Variants in PPP2R2B observed in about 807,000 individuals in gnomAD.
PPP2R2B encodes serine/threonine-protein phosphatase 2A 55 kDa regulatory subunit B beta isoform.
In PPP2R2B, 5 loss-of-function variants were observed where a neutral mutation model predicts 46.0. That is an observed-to-expected ratio of 0.11 (90% CI 0.06 to 0.23). The LOEUF is 0.23. PPP2R2B is among the 10% of genes least tolerant of loss of function. PPP2R2B has a pLI of 1.00. For synonymous variants in PPP2R2B, 215 were observed against 206.7 expected (o/e 1.04, Z -0.34); for missense variants, 367 against 575.0 (o/e 0.64, Z 3.70).
At chr5:146,828,212 T>C (rs1226625184) in intron 2 of PPP2R2B, among the ~76,000 whole-genome samples, 1 of 152,118 alleles carries the variant, frequency 6.6e-6, no homozygotes, top group Non-Finnish European at 1.5e-5. Flanking sequence ...CTTTTCTTTG[T>C]TGTAATGGAA....
intron 4 of PPP2R2B, among the ~76,000 whole-genome samples, chr5:146,696,628 G>C (rs1216312968): frequency 6.6e-6 from 1 of 152,156 alleles, no homozygotes; most frequent in Non-Finnish European, 1.5e-5. Flanking sequence ...ATGTGGTTTG[G>C]CTTCCAAGAA....
chr5:146,878,236 A>T lies in PPP2R2B; in HGVS notation c.-124-41T>A. The T allele has an allele frequency of 6.6e-7, 1 of 1,522,772 alleles. No individual in the cohort carries two copies. Among genetic ancestry groups the T allele is most frequent in the Non-Finnish European group, 8.8e-7 (1 of 1,136,258 alleles). 94.3% of individuals were successfully genotyped at this position (1,522,772 alleles called of 1,614,324 possible). A position where few individuals can be genotyped will look rare whatever the true frequency, so the allele number is the denominator to read the frequency against. On this transcript the variant is annotated intron_variant, in intron 1 of 9. Coordinates refer to ENST00000394411, the MANE Select transcript of PPP2R2B (RefSeq NM_181675.4). This position sits in a 1 kb window ranked among gnomAD's most constrained non-coding sequence, Gnocchi z 4.5. ...GGAGGCGGAGAGAAAAAAAATAAAA[A>T]CCCGGCAATGGAGCTGTCACCTCCT...
chr5:147,057,902 G>A (rs906129981), upstream of PPP2R2B, among the ~76,000 whole-genome samples: 1 of 152,168 alleles, frequency 6.6e-6, no homozygotes, highest in Admixed American at 6.5e-5. Context: ...CACTGTTGAG[G>A]ATATGATAGG....
At chr5:146,876,621 A>T (rs1051565374) in intron 2 of PPP2R2B, among the ~76,000 whole-genome samples, 2 of 152,178 alleles carry the variant, frequency 1.3e-5, no homozygotes, top group Non-Finnish European at 2.9e-5. Context: ...ATCGGTAAGT[A>T]TGGTGCTCTG....
chr5:146,789,608 A>G (rs1756061079), intron 2 of PPP2R2B, among the ~76,000 whole-genome samples: 2 of 152,034 alleles, frequency 1.3e-5, no homozygotes, highest in African/African-American at 2.4e-5. Flanking sequence ...GGCAAACGAG[A>G]CAGTCACGGG....
At chr5:146,894,328 C>T (rs991080002) in intron 1 of PPP2R2B, among the ~76,000 whole-genome samples, 10 of 152,198 alleles carry the variant, frequency 6.6e-5, no homozygotes, top group Non-Finnish European at 1.3e-4. Flanking sequence ...CTACTCTCTG[C>T]TTTTCACCTA....
chr5:146,847,704 G>A (rs1760090984), intron 2 of PPP2R2B, among the ~76,000 whole-genome samples: 1 of 152,208 alleles, frequency 6.6e-6, no homozygotes, highest in Admixed American at 6.5e-5. Flanking sequence ...CAGCATTTAA[G>A]TCCTGTGTGC....
intron 7 of PPP2R2B, among the ~76,000 whole-genome samples, chr5:146,637,492 C>A (rs1231414790): frequency 6.6e-6 from 1 of 152,194 alleles, no homozygotes; most frequent in Non-Finnish European, 1.5e-5. Context: ...ATAGTGGCTT[C>A]CTAACCTGTC....
chr5:147,027,590 G>A (rs1326897970), intron 1 of PPP2R2B, among the ~76,000 whole-genome samples: 4 of 144,298 alleles, frequency 2.8e-5, no homozygotes, highest in Admixed American at 7.1e-5. Flanking sequence ...CCAACATCGC[G>A]CCACTGCACC....
At chr5:146,945,894 T>C (rs982291883) in intron 1 of PPP2R2B, among the ~76,000 whole-genome samples, 8 of 152,140 alleles carry the variant, frequency 5.3e-5, no homozygotes, top group African/African-American at 1.4e-4. Flanking sequence ...GGTGTTACTA[T>C]GGACCCCTGC....
intron 1 of PPP2R2B, among the ~76,000 whole-genome samples, chr5:146,985,017 C>CTTT (rs34277498): frequency 3.1e-4 from 31 of 99,448 alleles, no homozygotes; most frequent in Non-Finnish European, 3.8e-4. Flanking sequence ...TTTTCTTTTT[C>CTTT]TTTTTTTTTT....
At chr5:146,604,943 G>T (rs947218889) in intron 7 of PPP2R2B, among the ~76,000 whole-genome samples, 8 of 152,144 alleles carry the variant, frequency 5.3e-5, no homozygotes. Context: ...CCACTTTGGT[G>T]CCTCTGTTGC....
At chr5:146,997,028 T>C (rs1201144079) in intron 1 of PPP2R2B, among the ~76,000 whole-genome samples, 1 of 152,182 alleles carries the variant, frequency 6.6e-6, no homozygotes, top group African/African-American at 2.4e-5. Context: ...CTTTTAAAAT[T>C]GGAAGACTCA....
At position 146,978,219 on chromosome 5, in the gene PPP2R2B, G is replaced by GT. The variant is rs574497436; in HGVS notation, c.79+77445dup. ...ATATGCTTTGCCCACTTTTTGATGG[G>GT]TTTTTTTTAATTGTAAATTTGTTCA... is the stretch of plus-strand genomic sequence containing the variant. On this transcript the variant is annotated intron_variant, in intron 1 of 8. Coordinates refer to the PPP2R2B transcript ENST00000336640. Among the ~76,000 whole-genome samples the GT allele has an allele frequency of 7.5e-3, 1,141 of 151,808 alleles. 12 individuals carry two copies. Among genetic ancestry groups the GT allele is most frequent in the African/African-American group, 0.026 (1,078 of 41,410 alleles).
chr5:146,832,270 T>A (rs746272982), intron 2 of PPP2R2B, among the ~76,000 whole-genome samples: 3 of 152,056 alleles, frequency 2.0e-5, no homozygotes, highest in Admixed American at 6.6e-5. Context: ...AATAATGTCC[T>A]TGGCCTTCAC....
At chr5:146,852,164 T>A (rs1271339795) in intron 2 of PPP2R2B, among the ~76,000 whole-genome samples, 1 of 152,014 alleles carries the variant, frequency 6.6e-6, no homozygotes, top group Admixed American at 6.6e-5. Flanking sequence ...CCATTTTGAT[T>A]AAGGCTGCAG....
intron 1 of PPP2R2B, among the ~76,000 whole-genome samples, chr5:147,028,517 A>G (rs1561586291): frequency 6.6e-6 from 1 of 152,210 alleles, no homozygotes; most frequent in Non-Finnish European, 1.5e-5. Context: ...ATGAAGCAAT[A>G]CAGTATATTT....
At chr5:146,943,140 T>A (rs963545328) in intron 1 of PPP2R2B, among the ~76,000 whole-genome samples, 2 of 152,156 alleles carry the variant, frequency 1.3e-5, no homozygotes, top group Non-Finnish European at 2.9e-5. Context: ...TTTGATAAAT[T>A]TCTAATTCTG....
intron 1 of PPP2R2B, among the ~76,000 whole-genome samples, chr5:147,009,037 T>C (rs780669441): frequency 2.0e-5 from 3 of 152,280 alleles, no homozygotes; most frequent in South Asian, 2.1e-4. Flanking sequence ...ATGATCACCA[T>C]AAAATCCATT....
Sources: allele counts gnomAD v4.1 joint callset (sites outside exome capture counted in the v4.1 genomes callset), GRCh38; gene constraint gnomAD v4.1.1; non-coding constraint Gnocchi (gnomAD v3.1); transcripts MANE v1.5; gene names NCBI Gene and HGNC (gene_info 2026-07-23, HGNC 2026-07-21).